MRPS35: variants seen among roughly 807,000 people sequenced by gnomAD.
The protein encoded by MRPS35 is mitochondrial ribosomal protein S35.
A neutral mutation model predicts 32.7 loss-of-function variants in MRPS35; 29 were observed. The ratio of observed to expected loss-of-function variants is 0.89; its 90% CI spans 0.66 to 1.21. MRPS35 has a LOEUF of 1.21. MRPS35 is among the 50% of genes most tolerant of loss of function. The pLI is 0.00. For synonymous variants in MRPS35, 148 were observed against 139.3 expected, an observed-to-expected ratio of 1.06 and a Z score of -0.44; for missense variants, 373 against 383.8, an observed-to-expected ratio of 0.97 and a Z score of 0.23.
chr12:27,751,311 A>G (rs1228146894), intron 7 of MRPS35, among the ~76,000 whole-genome samples: 4 of 152,086 alleles, frequency 2.6e-5, no homozygotes, highest in African/African-American at 9.7e-5. Flanking sequence ...ACATTATTCC[A>G]TAGTGCAGGG....
intron 4 of MRPS35, among the ~76,000 whole-genome samples, chr12:27,723,399 C>T (rs867032298): frequency 1.1e-4 from 16 of 152,282 alleles, no homozygotes; most frequent in Middle Eastern, 3.4e-3. Context: ...CACTTCCTCT[C>T]TATGCTCTCT....
intron 7 of MRPS35, among the ~76,000 whole-genome samples, chr12:27,738,556 C>G (rs1039032900): frequency 1.1e-4 from 16 of 152,092 alleles, no homozygotes; most frequent in South Asian, 2.1e-4. Flanking sequence ...AGTTGGTAGC[C>G]AATATGTTTA....
At chr12:27,711,298 T>C (rs1265503872) in intron 1 of MRPS35, among the ~76,000 whole-genome samples, 1 of 152,206 alleles carries the variant, frequency 6.6e-6, no homozygotes, top group Non-Finnish European at 1.5e-5. Flanking sequence ...TGTTGAACCA[T>C]GGATTTCCCC....
intron 7 of MRPS35, among the ~76,000 whole-genome samples, chr12:27,743,775 A>T (rs2061972359): frequency 6.6e-6 from 1 of 152,172 alleles, no homozygotes; most frequent in Non-Finnish European, 1.5e-5. Context: ...ACAGTTCTAG[A>T]GGCTGGGGAG....
intron 5 of MRPS35, among the ~76,000 whole-genome samples, chr12:27,733,644 A>G (rs1293451089): frequency 6.6e-6 from 1 of 152,120 alleles, no homozygotes; most frequent in Non-Finnish European, 1.5e-5. Flanking sequence ...GGTATATTTT[A>G]TTTTTTGTAA....
At chr12:27,732,991 T>G (rs1425811884) in intron 5 of MRPS35, among the ~76,000 whole-genome samples, 13 of 244 alleles carry the variant, frequency 0.053, no homozygotes, top group African/African-American at 0.095. Context: ...TTTGAAGATA[T>G]ATATATATAT....
chr12:27,711,136 C>G (rs1358408088), intron 1 of MRPS35, among the ~76,000 whole-genome samples, 181 bp downstream of exon 1: 4 of 152,222 alleles, frequency 2.6e-5, no homozygotes, highest in African/African-American at 9.6e-5. Flanking sequence ...CCGCGTTGCC[C>G]GGCTTCTAGC....
intron 7 of MRPS35, among the ~76,000 whole-genome samples, chr12:27,745,811 C>G (rs1037973973): frequency 6.6e-6 from 1 of 151,598 alleles, no homozygotes; most frequent in African/African-American, 2.4e-5. Flanking sequence ...TGAGAACATG[C>G]AGTGTTTGGT....
Position 27,755,435 on chromosome 12 carries a change from A to G in MRPS35, c.957A>G (p.Leu319=), listed in dbSNP as rs61415492. Residue 319 remains leucine, a synonymous_variant, in exon 8 of 8, where the codon CTA becomes CTG. Transcript: ENST00000081029. ...ISQYKESVKR[L]LNVT The stretch of plus-strand genomic sequence containing the variant: ...AGTACAAAGAATCCGTGAAGAGACT[A>G]TTAAATGTGACATGAATTATGGAGT... 6.5e-3 allele frequency: 10,210 copies of G among 1,564,776 alleles called. 300 individuals carry two copies. In the African/African-American group the frequency reaches 0.086, roughly 13 times the overall value.
chr12:27,710,865 G>A lies in MRPS35; in HGVS notation c.22G>A (p.Ala8Thr), dbSNP rs1284984674. 1 of 1,609,652 alleles carries A rather than the reference G, an allele frequency of 6.2e-7. No homozygotes were observed. Among genetic ancestry groups the A allele is most frequent in the South Asian group, 1.1e-5 (1 of 91,044 alleles). ...AGCCATGGCGGCCGCCGCGCTCCCA[G>A]CATGGCTGTCTCTGCAGTCGAGGGC... MAAAALPAWLSLQSRART... is the reference protein window; with the variant it reads MAAAALPTWLSLQSRART... Residue 8 changes from alanine to threonine, a missense_variant, in exon 1 of 8, where the codon GCA (alanine) becomes ACA (threonine). Transcript: ENST00000081029.
At chr12:27,723,270 T>C (rs534088399) in intron 4 of MRPS35, among the ~76,000 whole-genome samples, 1 of 152,060 alleles carries the variant, frequency 6.6e-6, no homozygotes, top group East Asian at 1.9e-4. Context: ...CTCTTTTCCT[T>C]TAAGTTTTTT....
At chr12:27,750,996 G>T (rs754061286) in intron 7 of MRPS35, among the ~76,000 whole-genome samples, 3 of 151,498 alleles carry the variant, frequency 2.0e-5, no homozygotes, top group Non-Finnish European at 4.4e-5. Context: ...CCAGCTACTT[G>T]GGGGGCTGAG....
chr12:27,730,533 C>T (rs535733276), intron 5 of MRPS35, among the ~76,000 whole-genome samples: 6 of 152,254 alleles, frequency 3.9e-5, no homozygotes, highest in African/African-American at 9.6e-5. Context: ...ACTGCAGCCT[C>T]GACCTTCCCA....
intron 7 of MRPS35, among the ~76,000 whole-genome samples, chr12:27,751,248 T>G (rs1365057118): frequency 6.6e-6 from 1 of 152,138 alleles, no homozygotes; most frequent in African/African-American, 2.4e-5. Context: ...CAGAATGTAG[T>G]TTGTTTTCCT....
At chr12:27,744,878 C>T (rs1316827915) in intron 7 of MRPS35, among the ~76,000 whole-genome samples, 1 of 150,920 alleles carries the variant, frequency 6.6e-6, no homozygotes. Flanking sequence ...TTTTTTTTAA[C>T]TCTGTGCTGC....
intron 7 of MRPS35, among the ~76,000 whole-genome samples, chr12:27,743,058 G>T (rs889054161): frequency 2.6e-5 from 4 of 151,528 alleles, no homozygotes; most frequent in Non-Finnish European, 5.9e-5. Context: ...GTGAAGTCTT[G>T]CTCTGTTCAC....
At chr12:27,712,862 C>A (rs2061833913) in intron 1 of MRPS35, among the ~76,000 whole-genome samples, 1 of 152,114 alleles carries the variant, frequency 6.6e-6, no homozygotes, top group Non-Finnish European at 1.5e-5. Context: ...ATTGAAAATA[C>A]AAGAAATTAG....
chr12:27,712,811 G>C (rs1015427188), intron 1 of MRPS35, among the ~76,000 whole-genome samples: 4 of 152,224 alleles, frequency 2.6e-5, no homozygotes, highest in African/African-American at 9.6e-5. Flanking sequence ...GAGCCCAGGA[G>C]TTTGAGACCA....
chr12:27,741,485 A>T (rs2061964636), intron 7 of MRPS35, among the ~76,000 whole-genome samples: 1 of 152,050 alleles, frequency 6.6e-6, no homozygotes. Flanking sequence ...ATGAGGAAAG[A>T]TTTTTTTCTT....
Sources: gnomAD v4.1 joint callset for allele counts (sites outside exome capture counted in the v4.1 genomes callset) on GRCh38, gnomAD v4.1.1 for gene constraint, MANE v1.5 for transcripts, NCBI Gene and HGNC (gene_info 2026-07-23, HGNC 2026-07-21) for gene names.